Variants in KLF12 observed in about 807,000 individuals in gnomAD.
The protein encoded by KLF12 is Krueppel-like factor 12.
KLF12 carries 9 observed loss-of-function variants against 37.8 expected under a neutral mutation model. The ratio of observed to expected loss-of-function variants is 0.24; its 90% CI spans 0.14 to 0.42. The LOEUF is 0.42. KLF12 is among the 10% of genes least tolerant of loss of function. The pLI is 1.00. For missense variants in KLF12, 411 were observed against 516.0 expected, an observed-to-expected ratio of 0.80 and a Z score of 1.97; for synonymous variants, 208 against 202.1, an observed-to-expected ratio of 1.03 and a Z score of -0.25.
chr13:73,766,012 C>T (rs1186425289), intron 5 of KLF12, among the ~76,000 whole-genome samples: 1 of 152,234 alleles, frequency 6.6e-6, no homozygotes, highest in Non-Finnish European at 1.5e-5. Context: ...TCCAGCCCCG[C>T]CTAAGGGCCA....
At chr13:73,763,343 G>C (rs1879692239) in intron 6 of KLF12, among the ~76,000 whole-genome samples, 1 of 152,160 alleles carries the variant, frequency 6.6e-6, no homozygotes, top group South Asian at 2.1e-4. Flanking sequence ...TGCAAGACAG[G>C]TAGGCCCTTG....
intron 1 of KLF12, among the ~76,000 whole-genome samples, chr13:74,004,408 G>A (rs115976186): frequency 0.011 from 1,702 of 152,220 alleles, 22 homozygotes; most frequent in African/African-American, 0.034. Flanking sequence ...TTACAGATGT[G>A]GAAACACAGA....
chr13:74,089,920 A>G (rs1469574877), intron 1 of KLF12, among the ~76,000 whole-genome samples: 1 of 151,988 alleles, frequency 6.6e-6, no homozygotes, highest in East Asian at 1.9e-4. Flanking sequence ...ACTCCAATTT[A>G]ACATTGTGCT....
rs560890036 is a variant in KLF12, at chr13:73,951,939, A to G, written c.34-7869T>C. The stretch of plus-strand genomic sequence containing the variant: ...TCCTAGCCTTGAAACTTACACCATT[A>G]AGTAAATAAATATCTGTTGGACTAA... On this transcript the variant is annotated intron_variant, in intron 2 of 7. Coordinates refer to ENST00000377669, the MANE Select transcript of KLF12 (RefSeq NM_007249.5). 2.6e-5 allele frequency among the ~76,000 whole-genome samples: 4 copies of G among 152,340 alleles called. No individual in the cohort carries two copies. In the East Asian group the frequency reaches 7.7e-4, roughly 29 times the overall value.
chr13:73,760,464 A>G (rs1484559330), intron 6 of KLF12, among the ~76,000 whole-genome samples: 3 of 152,036 alleles, frequency 2.0e-5, no homozygotes, highest in Non-Finnish European at 4.4e-5. Context: ...CTACAGGTGC[A>G]TACCATCACG....
chr13:74,039,914 T>C (rs971488055), intron 1 of KLF12, among the ~76,000 whole-genome samples: 8 of 152,214 alleles, frequency 5.3e-5, no homozygotes, highest in Non-Finnish European at 5.9e-5. Flanking sequence ...CAGTATAAAA[T>C]AGTGACTTAC....
intron 2 of KLF12, among the ~76,000 whole-genome samples, chr13:73,987,363 C>A (rs894433417): frequency 9.9e-5 from 15 of 151,968 alleles, no homozygotes; most frequent in African/African-American, 3.6e-4. Flanking sequence ...TTTTAATAAT[C>A]AATTACTATG....
intron 4 of KLF12, among the ~76,000 whole-genome samples, chr13:73,841,439 A>T (rs1188717385): frequency 6.6e-6 from 1 of 152,140 alleles, no homozygotes; most frequent in African/African-American, 2.4e-5. Flanking sequence ...ATGTTTTAAG[A>T]AAGTTTACAA....
chr13:73,886,844 T>C (rs1015202142), intron 3 of KLF12, among the ~76,000 whole-genome samples: 3 of 151,794 alleles, frequency 2.0e-5, no homozygotes, highest in Non-Finnish European at 4.4e-5. Flanking sequence ...ATACAAACAT[T>C]AGCTGGGCGT....
chr13:74,086,269 T>G (rs1303198938), intron 1 of KLF12, among the ~76,000 whole-genome samples: 1 of 78,802 alleles, frequency 1.3e-5, no homozygotes, highest in Non-Finnish European at 2.4e-5. Flanking sequence ...TCCCTCCCCC[T>G]CCCCCCACCC....
At chr13:73,715,296 C>T in intron 7 of KLF12, 72 bp downstream of exon 7, 1 of 1,380,428 alleles carries the variant, frequency 7.2e-7, no homozygotes, top group South Asian at 1.3e-5. Flanking sequence ...GTACGAAAGG[C>T]TCCCGAGGTA....
the KLF12 span, among the ~76,000 whole-genome samples, chr13:74,249,379 C>CACACACACACACACAA: frequency 7.2e-6 from 1 of 138,474 alleles, no homozygotes; most frequent in Non-Finnish European, 1.5e-5. Flanking sequence ...CACACACACA[C>CACACACACACACACAA]GCACACCCTC....
intron 3 of KLF12, among the ~76,000 whole-genome samples, chr13:73,912,768 A>T (rs549700455): frequency 4.3e-4 from 66 of 152,316 alleles, no homozygotes; most frequent in African/African-American, 1.3e-3. Flanking sequence ...AGGCTAACTC[A>T]CACACCAGAG....
intron 2 of KLF12, among the ~76,000 whole-genome samples, chr13:73,956,233 A>G (rs920768015): frequency 1.3e-5 from 2 of 152,212 alleles, no homozygotes. Context: ...ATAATTTTGA[A>G]TAACTGAATA....
chr13:74,207,304 A>C, the KLF12 span, among the ~76,000 whole-genome samples: 1 of 152,340 alleles, frequency 6.6e-6, no homozygotes, highest in East Asian at 1.9e-4. Flanking sequence ...GGACACATTC[A>C]AACCATAACA....
chr13:73,954,389 T>C (rs1037729000), intron 2 of KLF12, among the ~76,000 whole-genome samples: 8 of 152,172 alleles, frequency 5.3e-5, no homozygotes, highest in African/African-American at 1.7e-4. Context: ...CTGAAAACCT[T>C]GAGCATGGTA....
At chr13:73,737,413 T>C (rs1012267183) in intron 6 of KLF12, among the ~76,000 whole-genome samples, 16 of 152,316 alleles carry the variant, frequency 1.1e-4, no homozygotes, top group Middle Eastern at 3.4e-3. Flanking sequence ...GAAAGTGTTA[T>C]TTTCGTGTAA....
chr13:73,847,887 T>C (rs888967258), intron 3 of KLF12, among the ~76,000 whole-genome samples: 24 of 152,218 alleles, frequency 1.6e-4, no homozygotes, highest in Non-Finnish European at 3.1e-4. Flanking sequence ...TATCTACTCT[T>C]GTAACTAGAA....
At chr13:74,245,884 T>C in the KLF12 span, among the ~76,000 whole-genome samples, 1 of 152,324 alleles carries the variant, frequency 6.6e-6, no homozygotes, top group African/African-American at 2.4e-5. Context: ...TAAAAAATCA[T>C]AGTAACTGTA....
Sources: allele counts gnomAD v4.1 joint callset (sites outside exome capture counted in the v4.1 genomes callset), GRCh38; gene constraint gnomAD v4.1.1; transcripts MANE v1.5; gene names NCBI Gene and HGNC (gene_info 2026-07-23, HGNC 2026-07-21).